Variants in RNF169 observed in about 807,000 individuals in gnomAD.
The protein encoded by RNF169 is ring finger protein 169, also known as E3 ubiquitin-protein ligase RNF169.
RNF169 carries 24 observed loss-of-function variants against 53.9 expected under a neutral mutation model. The observed-to-expected ratio is 0.45, with a 90% confidence interval of 0.32 to 0.63. The LOEUF (loss-of-function observed/expected upper bound fraction) is 0.63, where lower values mean the gene tolerates loss of function less well. Ranked by LOEUF, RNF169 falls within the 20% of genes least tolerant of loss-of-function variation. The pLI is 0.04. For synonymous variants in RNF169, 396 were observed against 363.5 expected, an observed-to-expected ratio of 1.09 and a Z score of -1.02; for missense variants, 883 against 906.2, an observed-to-expected ratio of 0.97 and a Z score of 0.33.
intron 1 of RNF169, among the ~76,000 whole-genome samples, chr11:74,774,249 G>A (rs1052959860): frequency 6.6e-6 from 1 of 151,936 alleles, no homozygotes; most frequent in Admixed American, 6.6e-5. Context: ...AGGAGGCTGA[G>A]GCAGCAGGAT....
At chr11:74,753,055 G>A (rs949200323) in intron 1 of RNF169, among the ~76,000 whole-genome samples, 3 of 152,004 alleles carry the variant, frequency 2.0e-5, no homozygotes, top group African/African-American at 4.8e-5. Context: ...CGCAACCTCC[G>A]CCTCACCGGT....
chr11:74,810,575 C>A (rs1438476852), intron 3 of RNF169, among the ~76,000 whole-genome samples: 1 of 152,118 alleles, frequency 6.6e-6, no homozygotes, highest in Non-Finnish European at 1.5e-5. Flanking sequence ...AGAGGAAAAA[C>A]CTAGTATAGT....
At chr11:74,813,884 G>A (rs890119071) in intron 3 of RNF169, among the ~76,000 whole-genome samples, 7 of 152,066 alleles carry the variant, frequency 4.6e-5, no homozygotes, top group Admixed American at 1.3e-4. Flanking sequence ...TAGAGATGGC[G>A]TTTCACCATG....
intron 1 of RNF169, among the ~76,000 whole-genome samples, chr11:74,785,200 A>ATATATATATGATATATATATGT (rs2035476276): frequency 6.8e-5 from 8 of 116,954 alleles, no homozygotes; most frequent in Admixed American, 6.0e-4. Flanking sequence ...TATATATGAT[A>ATATATATATGATATATATATGT]TATATATATG....
At chr11:74,806,874 TATC>T (rs1366050828) in intron 2 of RNF169, among the ~76,000 whole-genome samples, 2 of 152,118 alleles carry the variant, frequency 1.3e-5, no homozygotes, top group African/African-American at 4.8e-5. Context: ...ATGGATAATT[TATC>T]ATGTCTTACA....
intron 1 of RNF169, among the ~76,000 whole-genome samples, chr11:74,751,948 C>T (rs2034902196): frequency 6.6e-6 from 1 of 151,980 alleles, no homozygotes. Flanking sequence ...AAAAGATTCC[C>T]TTTGGCCAGG....
intron 2 of RNF169, among the ~76,000 whole-genome samples, chr11:74,803,273 G>A (rs1397576034): frequency 6.6e-6 from 1 of 152,088 alleles, no homozygotes; most frequent in East Asian, 1.9e-4. Flanking sequence ...TTTTAGTAGA[G>A]ACGGGGTTTC....
At chr11:74,793,751 T>G (rs1417178244) in intron 2 of RNF169, among the ~76,000 whole-genome samples, 1 of 152,188 alleles carries the variant, frequency 6.6e-6, no homozygotes, top group African/African-American at 2.4e-5. Flanking sequence ...CTAAATATAT[T>G]TAGATTTTTT....
At chr11:74,804,332 TA>T (rs1168258238) in intron 2 of RNF169, among the ~76,000 whole-genome samples, 5 of 152,178 alleles carry the variant, frequency 3.3e-5, no homozygotes, top group Non-Finnish European at 7.3e-5. Flanking sequence ...AACGAGTGAA[TA>T]AATGAGTACA....
chr11:74,792,529 G>A (rs1002362034), intron 2 of RNF169, among the ~76,000 whole-genome samples: 3 of 152,106 alleles, frequency 2.0e-5, no homozygotes, highest in Non-Finnish European at 2.9e-5. Flanking sequence ...AGCCTCCCAA[G>A]TAGCTGGGAC....
intron 1 of RNF169, among the ~76,000 whole-genome samples, chr11:74,758,867 G>C (rs573796094): frequency 1.3e-5 from 2 of 150,478 alleles, no homozygotes; most frequent in African/African-American, 2.4e-5. Flanking sequence ...TAGCTTGATG[G>C]GGATGGCATT....
intron 1 of RNF169, among the ~76,000 whole-genome samples, chr11:74,768,869 A>G (rs1442062006): frequency 6.6e-6 from 1 of 151,568 alleles, no homozygotes; most frequent in Non-Finnish European, 1.5e-5. Context: ...ACATAGGGAG[A>G]CCTTGTCTCT....
chr11:74,827,299 G>A (rs1028323641), intron 4 of RNF169, among the ~76,000 whole-genome samples: 3 of 152,148 alleles, frequency 2.0e-5, no homozygotes, highest in Non-Finnish European at 4.4e-5. Flanking sequence ...TGGGGTGTGG[G>A]CACCAAGAGA....
At chr11:74,820,595 G>GA (rs1395715737) in intron 4 of RNF169, among the ~76,000 whole-genome samples, 8 of 152,300 alleles carry the variant, frequency 5.3e-5, no homozygotes, top group African/African-American at 1.7e-4. Context: ...AGCAAGGCTT[G>GA]ATGATGGCCT....
At chr11:74,754,692 A>G (rs1049446719) in intron 1 of RNF169, among the ~76,000 whole-genome samples, 2 of 152,108 alleles carry the variant, frequency 1.3e-5, no homozygotes, top group Non-Finnish European at 2.9e-5. Flanking sequence ...GTGGTGGTGC[A>G]CGCTTATAGT....
At chr11:74,816,118 G>A (rs1427040164) in intron 3 of RNF169, among the ~76,000 whole-genome samples, 4 of 152,076 alleles carry the variant, frequency 2.6e-5, no homozygotes, top group African/African-American at 4.8e-5. Flanking sequence ...CTATTGTGTC[G>A]CTGTGCCTGT....
intron 1 of RNF169, among the ~76,000 whole-genome samples, chr11:74,784,539 G>C (rs1444004723): frequency 6.6e-6 from 1 of 152,236 alleles, no homozygotes; most frequent in African/African-American, 2.4e-5. Context: ...AGGCACACAA[G>C]GTGTGCTTAA....
At position 74,806,887 on chromosome 11, in the gene RNF169, A is replaced by T. The variant is rs117165914; in HGVS notation, c.577-3297A>T. Reference sequence around the variant, plus strand: ...GAATGGATAATTTATCATGTCTTACACTAATTATTTGTATACTTTTCTGTG... The same window carrying T: ...GAATGGATAATTTATCATGTCTTACTCTAATTATTTGTATACTTTTCTGTG... On this transcript the variant is annotated intron_variant, in intron 2 of 5. Transcript: ENST00000299563. Among the ~76,000 whole-genome samples, 186 of 152,138 alleles carry T rather than the reference A, an allele frequency of 1.2e-3. 5 individuals carry two copies. The East Asian group carries it at 0.031, about 25-fold the overall frequency.
At chr11:74,804,978 CTGT>C (rs760641271) in intron 2 of RNF169, among the ~76,000 whole-genome samples, 11 of 152,190 alleles carry the variant, frequency 7.2e-5, no homozygotes, top group African/African-American at 1.4e-4. Context: ...AACCTTTTGG[CTGT>C]TGTTCTATAA....
Sources: allele counts gnomAD v4.1 joint callset (sites outside exome capture counted in the v4.1 genomes callset), GRCh38; gene constraint gnomAD v4.1.1; transcripts MANE v1.5; gene names NCBI Gene and HGNC (gene_info 2026-07-23, HGNC 2026-07-21).